The following SGCZ variants were observed in gnomAD, a reference collection of about 807,000 sequenced individuals.
SGCZ encodes the protein zeta-sarcoglycan.
SGCZ carries 40 observed loss-of-function variants against 41.3 expected under a neutral mutation model. The observed-to-expected ratio is 0.97, with a 90% CI of 0.75 to 1.26. SGCZ has a LOEUF of 1.26. Among genes scored for constraint, SGCZ ranks in the 50% most tolerant of loss-of-function variants. The probability of loss-of-function intolerance (pLI) is 0.00; values close to 1 mark genes in which losing one functional copy is unlikely to be tolerated. For synonymous variants in SGCZ, 206 were observed against 137.5 expected (o/e 1.50, Z -3.49); for missense variants, 552 against 369.8 (o/e 1.49, Z -4.04).
intron 2 of SGCZ, chr8:14,487,871 G>A (rs202207082): frequency 1.3e-5 from 2 of 149,730 alleles, no homozygotes; most frequent in South Asian, 2.2e-4. Flanking sequence ...ATGTACAACC[G>A]AAGTGAGCGT....
At chr8:15,097,043 C>G (rs1806375500) in intron 1 of SGCZ, among the ~76,000 whole-genome samples, 2 of 151,996 alleles carry the variant, frequency 1.3e-5, no homozygotes, top group Admixed American at 1.3e-4. Context: ...TCTTTAACCC[C>G]AGGCACAAGT....
At chr8:14,700,572 C>T (rs978738911) in intron 1 of SGCZ, among the ~76,000 whole-genome samples, 6 of 151,700 alleles carry the variant, frequency 4.0e-5, no homozygotes, top group African/African-American at 1.2e-4. Context: ...ACAATTTACC[C>T]ATGTAACATA....
At chr8:14,267,328 G>A (rs560279147) in intron 3 of SGCZ, among the ~76,000 whole-genome samples, 397 of 152,006 alleles carry the variant, frequency 2.6e-3, no homozygotes, top group Middle Eastern at 0.01. Flanking sequence ...AACCCCACGG[G>A]AGGAAAAAAG....
Position 14,291,704 on chromosome 8 carries a change from C to T in SGCZ, c.336+32399G>A, listed in dbSNP as rs190045498. On this transcript the variant is annotated intron_variant, in intron 3 of 7. Transcript: ENST00000382080. ...ACATATATATATATGTATTCTTTTA[C>T]TTTGGTACAACTTTCTTACAGTGGA... is the stretch of plus-strand genomic sequence containing the variant. Among the ~76,000 whole-genome samples, 715 of 151,942 alleles carry T rather than the reference C, an allele frequency of 4.7e-3. 6 individuals carry two copies. The highest frequency in any genetic ancestry group is 0.013 in the Admixed American group (198 of 15,226).
At chr8:14,385,303 G>GT (rs1358078316) in intron 2 of SGCZ, among the ~76,000 whole-genome samples, 21 of 152,140 alleles carry the variant, frequency 1.4e-4, no homozygotes. Flanking sequence ...ATTTCTAGTT[G>GT]TAAGTTAACT....
At chr8:14,675,641 T>C (rs908942688) in intron 1 of SGCZ, among the ~76,000 whole-genome samples, 2 of 151,980 alleles carry the variant, frequency 1.3e-5, no homozygotes, top group Non-Finnish European at 2.9e-5. Flanking sequence ...CTGGAAAAAA[T>C]GTGATGAGCA....
intron 1 of SGCZ, among the ~76,000 whole-genome samples, chr8:14,858,824 A>C (rs1172699183): frequency 6.6e-6 from 1 of 152,158 alleles, no homozygotes; most frequent in African/African-American, 2.4e-5. Flanking sequence ...TAAATGCCTA[A>C]CCGGTTTAAC....
chr8:14,565,681 G>A (rs1804337910), intron 1 of SGCZ, among the ~76,000 whole-genome samples: 1 of 151,946 alleles, frequency 6.6e-6, no homozygotes. Flanking sequence ...CAAACAGTAA[G>A]GATTAACAAG....
chr8:14,753,585 C>T (rs1799566251), intron 1 of SGCZ, among the ~76,000 whole-genome samples: 1 of 152,166 alleles, frequency 6.6e-6, no homozygotes, highest in Admixed American at 6.5e-5. Flanking sequence ...TCCTGGATAT[C>T]ATGCTCCACT....
chr8:14,428,099 T>TACAC (rs761741673), intron 2 of SGCZ, among the ~76,000 whole-genome samples: 2 of 22,576 alleles, frequency 8.9e-5, no homozygotes. Flanking sequence ...AATGGTTGTA[T>TACAC]ATACACACAC....
chr8:14,202,277 G>A (rs914379062), intron 4 of SGCZ, among the ~76,000 whole-genome samples: 9 of 152,028 alleles, frequency 5.9e-5, no homozygotes, highest in African/African-American at 1.9e-4. Context: ...CTATAAACTG[G>A]AAAGGGCAAA....
At chr8:14,364,196 T>TA (rs1335710921) in intron 2 of SGCZ, among the ~76,000 whole-genome samples, 18 of 128,642 alleles carry the variant, frequency 1.4e-4, no homozygotes, top group Admixed American at 8.1e-5. Flanking sequence ...AATAATGTTT[T>TA]AAGCACAATT....
At chr8:15,152,172 A>G (rs1463016403) in intron 1 of SGCZ, among the ~76,000 whole-genome samples, 1 of 152,242 alleles carries the variant, frequency 6.6e-6, no homozygotes, top group Non-Finnish European at 1.5e-5. Context: ...AATAATAAAG[A>G]TGTCAAGCTG....
chr8:14,388,787 C>T (rs1804661381), intron 2 of SGCZ, among the ~76,000 whole-genome samples: 1 of 150,864 alleles, frequency 6.6e-6, no homozygotes, highest in Non-Finnish European at 1.5e-5. Flanking sequence ...ATGTAAAAAA[C>T]CTGCATATGT....
intron 1 of SGCZ, among the ~76,000 whole-genome samples, chr8:15,121,621 A>G (rs1807480814): frequency 6.6e-6 from 1 of 152,208 alleles, no homozygotes; most frequent in Non-Finnish European, 1.5e-5. Context: ...TAAGAAACAG[A>G]AAAGAAATGC....
intron 1 of SGCZ, among the ~76,000 whole-genome samples, chr8:15,076,012 G>A (rs1479037439): frequency 6.6e-6 from 1 of 151,796 alleles, no homozygotes; most frequent in Non-Finnish European, 1.5e-5. Context: ...AAAATGTCGA[G>A]ACATAACTTT....
intron 1 of SGCZ, among the ~76,000 whole-genome samples, chr8:15,159,382 G>C (rs1799431516): frequency 6.6e-6 from 1 of 152,086 alleles, no homozygotes; most frequent in Non-Finnish European, 1.5e-5. Flanking sequence ...AAAATTAATT[G>C]AACCCAAAGA....
chr8:14,548,211 A>C (rs983944445), intron 2 of SGCZ, among the ~76,000 whole-genome samples: 1 of 152,188 alleles, frequency 6.6e-6, no homozygotes, highest in African/African-American at 2.4e-5. Context: ...CTAATAAATG[A>C]GAAAGCCAGG....
At chr8:15,162,472 T>G (rs268413) in intron 1 of SGCZ, among the ~76,000 whole-genome samples, 139,005 of 152,216 alleles carry the variant, frequency 0.91, 63,490 homozygotes, top group East Asian at 1. Flanking sequence ...TAGCTACAAG[T>G]CACGTGGATA....
Sources: gnomAD v4.1 joint callset for allele counts (sites outside exome capture counted in the v4.1 genomes callset) on GRCh38, gnomAD v4.1.1 for gene constraint, MANE v1.5 for transcripts, NCBI Gene and HGNC (gene_info 2026-07-23, HGNC 2026-07-21) for gene names.